CALN1: variants seen among roughly 807,000 people sequenced by gnomAD.
The protein encoded by CALN1 is calneuron 1, also known as calcium-binding protein 8.
Under a neutral mutation model 30.6 loss-of-function variants are expected in CALN1, and 17 were observed. That is an observed-to-expected ratio of 0.56 (90% CI 0.38 to 0.83). CALN1 has a LOEUF of 0.83. Ranked by LOEUF, CALN1 falls within the 40% of genes least tolerant of loss-of-function variation. The pLI, the probability that CALN1 is intolerant of heterozygous loss-of-function variation, is 0.00. For missense variants in CALN1, 291 were observed against 354.9 expected (o/e 0.82, Z 1.45); for synonymous variants, 156 against 131.4 (o/e 1.19, Z -1.28).
intron 5 of CALN1, among the ~76,000 whole-genome samples, chr7:71,944,252 A>C (rs982200494): frequency 6.6e-6 from 1 of 152,146 alleles, no homozygotes; most frequent in Non-Finnish European, 1.5e-5. Flanking sequence ...TTCAAGATCA[A>C]CTTGGGCAAC....
chr7:72,055,132 C>A (rs1209493694), intron 4 of CALN1, among the ~76,000 whole-genome samples: 1 of 152,192 alleles, frequency 6.6e-6, no homozygotes, highest in Non-Finnish European at 1.5e-5. Context: ...TTAATCCTCA[C>A]ACCACACTAA....
At chr7:72,413,858 ACACT>A (rs1807335350), upstream of CALN1, among the ~76,000 whole-genome samples, 1 of 139,438 alleles carries the variant, frequency 7.2e-6, no homozygotes, top group Non-Finnish European at 1.5e-5. Flanking sequence ...CACATCACAC[ACACT>A]CGTATACACA....
At chr7:72,400,340 T>C (rs1806254766) in intron 2 of CALN1, among the ~76,000 whole-genome samples, 1 of 152,162 alleles carries the variant, frequency 6.6e-6, no homozygotes, top group African/African-American at 2.4e-5. Flanking sequence ...ATTCCTCCAT[T>C]TAATCACTGT....
intron 4 of CALN1, among the ~76,000 whole-genome samples, chr7:72,046,794 G>A (rs900221179): frequency 3.7e-4 from 56 of 151,824 alleles, no homozygotes; most frequent in African/African-American, 1.3e-3. Context: ...CAGCACTCTG[G>A]GAGGCTGAGA....
In CALN1 at chr7:72,278,752, T is replaced by C; in HGVS notation, c.178A>G (p.Asn60Asp). 6.2e-7 allele frequency: 1 copy of C among 1,614,080 alleles called. No homozygotes were observed. Among genetic ancestry groups the C allele is most frequent in the Non-Finnish European group, 8.5e-7 (1 of 1,179,974 alleles). ...TCACTGCCAGCAGAGAGCGATCGGTTGAGGTAATTCCCCTTGTACAACAAG... is the reference window on the plus strand; with the variant it reads ...TCACTGCCAGCAGAGAGCGATCGGTCGAGGTAATTCCCCTTGTACAACAAG... ...AGLLYKGNYL[N>D]RSLSAGSDSE... is the part of the protein sequence containing the mutation. The change falls in exon 3 of 7, where the codon AAC (asparagine) becomes GAC (aspartate). Residue 60 changes from asparagine (N) to aspartate (D), a missense_variant. Around this residue, in one of 2 missense-constraint regions of CALN1, gnomAD observed 122 missense variants for 103.2 expected, o/e 1.18. Coordinates refer to ENST00000395275, the MANE Select transcript of CALN1 (RefSeq NM_031468.4).
chr7:72,180,776 C>G (rs758604431), intron 3 of CALN1, among the ~76,000 whole-genome samples: 3 of 151,432 alleles, frequency 2.0e-5, no homozygotes, highest in Non-Finnish European at 4.4e-5. Context: ...CTTGTTTATG[C>G]TTTTTAAGTG....
At chr7:72,258,561 G>A (rs573314279) in intron 3 of CALN1, among the ~76,000 whole-genome samples, 46 of 152,302 alleles carry the variant, frequency 3.0e-4, no homozygotes, top group Admixed American at 2.4e-3. Flanking sequence ...TCTGATACGG[G>A]ATTTTGGCTT....
rs71531769 is a variant in CALN1, at chr7:71,863,557, CAAAAAAAAAAAAA to C, written c.502-53078_502-53066del. ...TGGGCAACAGAACTAAACTCCATCTCAAAAAAAAAAAAAAAAAAAAAAAAAAGAAGAAAGAAAG... is the reference window on the plus strand; with the variant it reads ...TGGGCAACAGAACTAAACTCCATCTCAAAAAAAAAAAAAGAAGAAAGAAAG... On this transcript the variant is annotated intron_variant, in intron 5 of 6. Coordinates refer to ENST00000395275, the MANE Select transcript of CALN1 (RefSeq NM_031468.4). Among the ~76,000 whole-genome samples the C allele has an allele frequency of 6.8e-4, 22 of 32,216 alleles. No individual in the cohort carries two copies. The Admixed American group carries it at 7.2e-3, about 11-fold the overall frequency. 21.1% of individuals were successfully genotyped at this position (32,216 alleles called of 152,430 possible). A position where few individuals can be genotyped will look rare whatever the true frequency, so the allele number is the denominator to read the frequency against.
At chr7:72,335,899 T>C (rs1801993290) in intron 2 of CALN1, among the ~76,000 whole-genome samples, 1 of 152,182 alleles carries the variant, frequency 6.6e-6, no homozygotes, top group African/African-American at 2.4e-5. Flanking sequence ...AACTACCTGC[T>C]GCTGCCTAGG....
intron 3 of CALN1, among the ~76,000 whole-genome samples, chr7:72,189,106 C>T (rs1390736045): frequency 6.6e-6 from 1 of 152,184 alleles, no homozygotes; most frequent in Non-Finnish European, 1.5e-5. Flanking sequence ...ACTCTTAACC[C>T]CCGCAAAATT....
chr7:72,130,435 C>T (rs767015667), intron 3 of CALN1, among the ~76,000 whole-genome samples: 2 of 152,124 alleles, frequency 1.3e-5, no homozygotes, highest in African/African-American at 4.8e-5. Flanking sequence ...ACTAGACCAA[C>T]GTGCTTGTTA....
At chr7:72,005,930 A>C (rs1799750493) in intron 5 of CALN1, among the ~76,000 whole-genome samples, 1 of 152,248 alleles carries the variant, frequency 6.6e-6, no homozygotes, top group African/African-American at 2.4e-5. Flanking sequence ...AAGTCAACAC[A>C]CTTTCACATG....
chr7:72,344,515 C>A (rs1802525517), intron 2 of CALN1, among the ~76,000 whole-genome samples: 2 of 149,364 alleles, frequency 1.3e-5, no homozygotes, highest in Non-Finnish European at 3.0e-5. Flanking sequence ...CCAATGCTTT[C>A]TGTTAACTAA....
chr7:72,504,094 C>T, the CALN1 span, among the ~76,000 whole-genome samples: 5 of 152,166 alleles, frequency 3.3e-5, no homozygotes, highest in African/African-American at 1.2e-4. Context: ...GCCCCTGTCC[C>T]GAAGTTGGGA....
chr7:71,993,716 C>T (rs1010884575), intron 5 of CALN1, among the ~76,000 whole-genome samples: 1 of 152,090 alleles, frequency 6.6e-6, no homozygotes, highest in Non-Finnish European at 1.5e-5. Flanking sequence ...CTTCGCCTCC[C>T]AAAGTGCTGG....
At chr7:72,368,297 G>A (rs1284632342) in intron 2 of CALN1, among the ~76,000 whole-genome samples, 2 of 137,596 alleles carry the variant, frequency 1.5e-5, no homozygotes, top group African/African-American at 5.0e-5. Flanking sequence ...GATATATTCA[G>A]TTTGTGGAAA....
chr7:71,869,647 A>G (rs554737122), intron 5 of CALN1, among the ~76,000 whole-genome samples: 1 of 152,208 alleles, frequency 6.6e-6, no homozygotes, highest in Non-Finnish European at 1.5e-5. Flanking sequence ...TGAAGTCTAG[A>G]GTGGGCAAAC....
At chr7:72,365,560 G>T (rs561273525) in intron 2 of CALN1, among the ~76,000 whole-genome samples, 9 of 152,076 alleles carry the variant, frequency 5.9e-5, no homozygotes, top group African/African-American at 2.2e-4. Flanking sequence ...CTCCTATGTA[G>T]CTGGGACTAT....
intron 6 of CALN1, among the ~76,000 whole-genome samples, chr7:71,806,726 C>A (rs113449248): frequency 3.3e-5 from 5 of 152,126 alleles, no homozygotes; most frequent in South Asian, 4.1e-4. Context: ...AAGGACCCCC[C>A]CCCAGGGAGC....
Sources: allele counts gnomAD v4.1 joint callset (sites outside exome capture counted in the v4.1 genomes callset), GRCh38; gene constraint gnomAD v4.1.1; regional missense constraint gnomAD v4.1.1; transcripts MANE v1.5; gene names NCBI Gene and HGNC (gene_info 2026-07-23, HGNC 2026-07-21).